VXN: variants seen among roughly 807,000 people sequenced by gnomAD.
The protein encoded by VXN is vexin, also known as uncharacterized protein C8orf46.
A neutral mutation model predicts 23.1 loss-of-function variants in VXN; 7 were observed. The ratio of observed to expected loss-of-function variants is 0.30; its 90% confidence interval spans 0.17 to 0.57. The LOEUF (loss-of-function observed/expected upper bound fraction) is 0.57, where lower values mean the gene tolerates loss of function less well. Ranked by LOEUF, VXN falls within the 20% of genes least tolerant of loss-of-function variation. VXN has a pLI of 0.91. For synonymous variants in VXN, 120 were observed against 105.8 expected (o/e 1.13, Z -0.83); for missense variants, 238 against 272.6 (o/e 0.87, Z 0.89).
chr8:66,505,404 C>T lies in VXN; in HGVS notation c.156C>T (p.His52=), dbSNP rs1187052847. 6.3e-7 allele frequency: 1 copy of T among 1,580,720 alleles called. No individual in the cohort carries two copies. Among genetic ancestry groups the T allele is most frequent in the African/African-American group, 1.3e-5 (1 of 74,562 alleles). The change falls in exon 3 of 6, where the codon CAC becomes CAT. Residue 52 remains histidine (H), a synonymous_variant. Coordinates refer to ENST00000305454, the MANE Select transcript of VXN (RefSeq NM_152765.4). ...TGATCGAGTCGGACCTGTACACGCACCAGCCCCTGGAGCTGCTGCCCCACC... is the reference window on the plus strand; with the variant it reads ...TGATCGAGTCGGACCTGTACACGCATCAGCCCCTGGAGCTGCTGCCCCACC... The part of the protein sequence containing the change: ...NVVIESDLYT[H]QPLELLPHRG...
Position 66,516,106 on chromosome 8 carries a change from G to A in VXN, c.*30G>A, listed in dbSNP as rs974165916. Reference sequence around the variant, plus strand: ...GACCCTCTTCAAGTGCCCTGTGTTGGCCAAGGTTCCCCGGACAAGAGGAAA... The same window carrying A: ...GACCCTCTTCAAGTGCCCTGTGTTGACCAAGGTTCCCCGGACAAGAGGAAA... On this transcript the variant is annotated 3_prime_UTR_variant, in exon 6 of 6. Transcript: ENST00000305454. 2 of 1,559,534 alleles carry A rather than the reference G, an allele frequency of 1.3e-6. No homozygotes were observed. Among genetic ancestry groups the A allele is most frequent in the African/African-American group, 1.4e-5 (1 of 73,040 alleles).
chr8:66,505,188 T>C (rs1161366708), intron 2 of VXN, 187 bp from the exon 3 acceptor site: 1 of 826,012 alleles, frequency 1.2e-6, no homozygotes, highest in Middle Eastern at 2.2e-4. Flanking sequence ...TGAAGTCAAA[T>C]AAAACAGTCA....
intron 4 of VXN, among the ~76,000 whole-genome samples, chr8:66,511,620 G>A (rs1807825047): frequency 1.3e-5 from 2 of 152,214 alleles, no homozygotes; most frequent in Non-Finnish European, 2.9e-5. Flanking sequence ...AGAGGAGGCA[G>A]GTAGCTTATG....
At chr8:66,505,308 C>G in intron 2 of VXN, 67 bp from the exon 3 acceptor site, 1 of 1,546,224 alleles carries the variant, frequency 6.5e-7, no homozygotes, top group Non-Finnish European at 8.8e-7. Context: ...AGCTCCTGCC[C>G]TGGGGTTCCA....
At chr8:66,506,711 C>G (rs780481288) in intron 3 of VXN, among the ~76,000 whole-genome samples, 1 of 152,116 alleles carries the variant, frequency 6.6e-6, no homozygotes, top group Non-Finnish European at 1.5e-5. Context: ...GATGCTAGAC[C>G]AGGCCACCAA....
At chr8:66,493,987 G>A (rs112059437) in intron 1 of VXN, among the ~76,000 whole-genome samples, 3,367 of 152,274 alleles carry the variant, frequency 0.022, 134 homozygotes, top group African/African-American at 0.076. Flanking sequence ...GTACACCAAT[G>A]GAAGTGACAG....
In VXN at chr8:66,513,003, G is replaced by T. The variant is rs139627258; in HGVS notation, c.343-537G>T. Among the ~76,000 whole-genome samples, 506 of 152,294 alleles carry T rather than the reference G, an allele frequency of 3.3e-3. 7 individuals carry two copies. The highest frequency in any genetic ancestry group is 0.025 in the Admixed American group (388 of 15,306). ...TTATGCTTCTACAGTCCAAGGAGGGGCATGAGGAATGTGGTGGATCTGGTC... is the reference window on the plus strand; with the variant it reads ...TTATGCTTCTACAGTCCAAGGAGGGTCATGAGGAATGTGGTGGATCTGGTC... On this transcript the variant is annotated intron_variant, in intron 4 of 5. Coordinates refer to ENST00000305454, the MANE Select transcript of VXN (RefSeq NM_152765.4).
At chr8:66,500,104 G>T (rs935941616) in intron 2 of VXN, among the ~76,000 whole-genome samples, 1 of 152,054 alleles carries the variant, frequency 6.6e-6, no homozygotes, top group Non-Finnish European at 1.5e-5. Context: ...AACCAAACCT[G>T]AAGTTTTCTA....
chr8:66,507,199 G>C (rs1005583003), intron 3 of VXN, among the ~76,000 whole-genome samples: 1 of 152,174 alleles, frequency 6.6e-6, no homozygotes, highest in Non-Finnish European at 1.5e-5. Flanking sequence ...TCAAAGTGGA[G>C]TCCCAGGAGC....
chr8:66,506,880 C>A (rs550028544), intron 3 of VXN, among the ~76,000 whole-genome samples: 3 of 110,602 alleles, frequency 2.7e-5, no homozygotes, highest in Non-Finnish European at 4.9e-5. Flanking sequence ...CAAATTAAGA[C>A]GAGATAGATT....
At chr8:66,496,514 T>A (rs765298052) in intron 2 of VXN, 22 bp downstream of exon 2, 2 of 1,611,158 alleles carry the variant, frequency 1.2e-6, no homozygotes, top group South Asian at 2.2e-5. Flanking sequence ...TTAGTTTTGA[T>A]GTTCTTTGGT....
rs1453025756 is a variant in VXN, at chr8:66,517,102, T to G, written c.*1026T>G. 2.0e-5 allele frequency: 3 copies of G among 152,242 alleles called. No individual in the cohort carries two copies. The highest frequency in any genetic ancestry group is 4.4e-5 in the Non-Finnish European group (3 of 68,040). The allele number at this position is 152,242 out of a possible 1,614,324, so 9.4% of individuals were successfully genotyped here. On this transcript the variant is annotated 3_prime_UTR_variant, in exon 6 of 6. Transcript: ENST00000305454. ...ATATGTTAGCTTGAACCAGAAAAAG[T>G]TGACATTTTTGTAGGTCAAAAACAA...
chr8:66,517,642 C>T lies in VXN; in HGVS notation c.*1566C>T, dbSNP rs562987133. On this transcript the variant is annotated 3_prime_UTR_variant, in exon 6 of 6. Coordinates refer to ENST00000305454, the MANE Select transcript of VXN (RefSeq NM_152765.4). ...TTCTTGCCCATGGAGGGATTAGTGA[C>T]ACATGCCTTGTATATTTGTCATCTG... 1 of 152,356 alleles carries T rather than the reference C, an allele frequency of 6.6e-6. No homozygotes were observed. The highest frequency in any genetic ancestry group is 6.5e-5 in the Admixed American group (1 of 15,306). 9.4% of individuals were successfully genotyped at this position (152,356 alleles called of 1,614,324 possible).
At chr8:66,512,065 CAAAAAAAA>C (rs35689084) in intron 4 of VXN, among the ~76,000 whole-genome samples, 7 of 68,330 alleles carry the variant, frequency 1.0e-4, no homozygotes, top group Non-Finnish European at 1.9e-4. Context: ...AACTCAGTTT[CAAAAAAAA>C]AAAAAAAAAA....
chr8:66,516,169 C>A lies in VXN; in HGVS notation c.*93C>A. 1.7e-6 allele frequency: 2 copies of A among 1,191,176 alleles called. No individual in the cohort carries two copies. Among genetic ancestry groups the A allele is most frequent in the Middle Eastern group, 2.4e-4 (1 of 4,174 alleles). 73.8% of individuals were successfully genotyped at this position (1,191,176 alleles called of 1,614,324 possible). ...TGAAACTGAGCCACACGCACCTCTGCTAGTAGCTGGTCCAAACCCATTATC... is the reference window on the plus strand; with the variant it reads ...TGAAACTGAGCCACACGCACCTCTGATAGTAGCTGGTCCAAACCCATTATC... On this transcript the variant is annotated 3_prime_UTR_variant, in exon 6 of 6. Transcript: ENST00000305454.
At chr8:66,500,766 G>A (rs1418388022) in intron 2 of VXN, among the ~76,000 whole-genome samples, 2 of 151,932 alleles carry the variant, frequency 1.3e-5, no homozygotes, top group African/African-American at 4.8e-5. Context: ...CCACTTATAA[G>A]TGAGGGCATG....
chr8:66,494,763 T>G (rs1046286064), intron 1 of VXN: 1 of 152,178 alleles, frequency 6.6e-6, no homozygotes, highest in Non-Finnish European at 1.5e-5. Flanking sequence ...AAAGTCCAAG[T>G]TGACCCTCGG....
chr8:66,497,919 G>A (rs1045259685), intron 2 of VXN, among the ~76,000 whole-genome samples: 19 of 152,080 alleles, frequency 1.2e-4, no homozygotes, highest in African/African-American at 4.3e-4. Flanking sequence ...TGTAATCCTA[G>A]CACTTTGGGA....
chr8:66,502,515 A>G (rs769788464), intron 2 of VXN, among the ~76,000 whole-genome samples: 4 of 152,128 alleles, frequency 2.6e-5, no homozygotes, highest in Non-Finnish European at 5.9e-5. Context: ...TGGGAGGCCG[A>G]GGCAGGTGGA....
Sources: allele counts gnomAD v4.1 joint callset (sites outside exome capture counted in the v4.1 genomes callset), GRCh38; gene constraint gnomAD v4.1.1; transcripts MANE v1.5; gene names NCBI Gene and HGNC (gene_info 2026-07-23, HGNC 2026-07-21).